The following SNTN variants were observed in gnomAD, a reference collection of about 807,000 sequenced individuals.
The protein encoded by SNTN is sentan.
A neutral mutation model predicts 12.3 loss-of-function variants in SNTN; 13 were observed. The ratio of observed to expected loss-of-function variants is 1.05; its 90% CI spans 0.69 to 1.67. The LOEUF (loss-of-function observed/expected upper bound fraction) is 1.67, where lower values mean the gene tolerates loss of function less well. Ranked by LOEUF, SNTN falls within the 40% of genes most tolerant of loss-of-function variation. The pLI, the probability that SNTN is intolerant of heterozygous loss-of-function variation, is 0.00. For synonymous variants in SNTN, 69 were observed against 58.5 expected (o/e 1.18, Z -0.82); for missense variants, 189 against 169.8 (o/e 1.11, Z -0.63).
chr3:63,663,809 C>T (rs1308693672), intron 3 of SNTN, 128 bp from the exon 4 acceptor site: 1 of 1,255,610 alleles, frequency 8.0e-7, no homozygotes, highest in East Asian at 2.5e-5. Context: ...TTTCTTTTTT[C>T]TTTATAAATC....
chr3:63,656,734 A>G (rs1469360796), intron 2 of SNTN, among the ~76,000 whole-genome samples: 4 of 152,196 alleles, frequency 2.6e-5, no homozygotes, highest in Non-Finnish European at 5.9e-5. Context: ...AAGATTATGA[A>G]AAGATTATGT....
At chr3:63,662,448 T>C (rs1392209836) in intron 3 of SNTN, among the ~76,000 whole-genome samples, 1 of 152,154 alleles carries the variant, frequency 6.6e-6, no homozygotes, top group African/African-American at 2.4e-5. Context: ...ACTGGGAAGA[T>C]ACAAAAAGGT....
chr3:63,653,354 G>A (rs1318116638), intron 1 of SNTN, among the ~76,000 whole-genome samples: 3 of 151,994 alleles, frequency 2.0e-5, no homozygotes. Context: ...TACATGCCAT[G>A]TTACCAGTGC....
At chr3:63,661,736 T>A (rs1700745800) in intron 3 of SNTN, among the ~76,000 whole-genome samples, 2 of 150,240 alleles carry the variant, frequency 1.3e-5, no homozygotes, top group African/African-American at 4.9e-5. Context: ...TTTTGGGGAG[T>A]CTAAGGAAAG....
rs1700783792 is a variant in SNTN, at chr3:63,664,758, T to G, written c.*663T>G. The G allele has an allele frequency of 6.7e-6, 1 of 150,246 alleles. No individual in the cohort carries two copies. The highest frequency in any genetic ancestry group is 2.5e-5 in the African/African-American group (1 of 39,924). 9.3% of individuals were successfully genotyped at this position (150,246 alleles called of 1,614,324 possible). A position where few individuals can be genotyped will look rare whatever the true frequency, so the allele number is the denominator to read the frequency against. On this transcript the variant is annotated 3_prime_UTR_variant, in exon 4 of 4. Transcript: ENST00000343837. ...TTATTTTATTTTATTTTATTTTATT[T>G]TATTTTATTTTGAGACAGAGTTTTG... is the stretch of plus-strand genomic sequence containing the variant.
Position 63,664,735 on chromosome 3 carries a change from A to T in SNTN, c.*640A>T, listed in dbSNP as rs1427654533. 5.0e-5 allele frequency: 5 copies of T among 99,498 alleles called. No homozygotes were observed. In the South Asian group the frequency reaches 7.0e-4, roughly 14 times the overall value. The allele number at this position is 99,498 out of a possible 1,614,324, so 6.2% of individuals were successfully genotyped here. ...ACAAATGGCACAAGGGGAGTTTTTT[A>T]TTTTATTTTATTTTATTTTATTTTA... On this transcript the variant is annotated 3_prime_UTR_variant, in exon 4 of 4. Transcript: ENST00000343837.
Position 63,664,300 on chromosome 3 carries a change from T to C in SNTN, c.*205T>C. Reference sequence around the variant, plus strand: ...TTTGAATGATAAGGTCTCTGTGTGCTTTACAATAGGATAGATTTGATACCA... The same window carrying C: ...TTTGAATGATAAGGTCTCTGTGTGCCTTACAATAGGATAGATTTGATACCA... On this transcript the variant is annotated 3_prime_UTR_variant, in exon 4 of 4. Transcript: ENST00000343837. 1.9e-6 allele frequency: 1 copy of C among 521,370 alleles called. No homozygotes were observed. Among genetic ancestry groups the C allele is most frequent in the East Asian group, 3.3e-5 (1 of 29,866 alleles). 32.3% of individuals were successfully genotyped at this position (521,370 alleles called of 1,614,324 possible).
At chr3:63,662,563 AGT>A (rs1453752474) in intron 3 of SNTN, among the ~76,000 whole-genome samples, 1 of 152,178 alleles carries the variant, frequency 6.6e-6, no homozygotes, top group Non-Finnish European at 1.5e-5. Context: ...CTGAGCAAAC[AGT>A]GTGCCATTCT....
At chr3:63,659,333 G>A (rs563516200) in intron 2 of SNTN, among the ~76,000 whole-genome samples, 1 of 152,194 alleles carries the variant, frequency 6.6e-6, no homozygotes, top group East Asian at 1.9e-4. Flanking sequence ...AATTCCACAA[G>A]AGTAGGACTT....
At chr3:63,654,552 C>G (rs2172950) in intron 1 of SNTN, among the ~76,000 whole-genome samples, 25,664 of 152,128 alleles carry the variant, frequency 0.17, 2,220 homozygotes, top group African/African-American at 0.2. Context: ...GACTGATATA[C>G]GTGGGTAGCT....
At chr3:63,662,262 C>A (rs1356366092) in intron 3 of SNTN, among the ~76,000 whole-genome samples, 1 of 152,202 alleles carries the variant, frequency 6.6e-6, no homozygotes, top group Non-Finnish European at 1.5e-5. Context: ...TCATTCCTAA[C>A]TGGGCTTTCT....
At chr3:63,660,348 C>T (rs560805572) in intron 3 of SNTN, among the ~76,000 whole-genome samples, 1 of 152,158 alleles carries the variant, frequency 6.6e-6, no homozygotes, top group Non-Finnish European at 1.5e-5. Flanking sequence ...CCAAATCTTA[C>T]AGAAGCATAG....
chr3:63,661,209 G>A (rs1700740468), intron 3 of SNTN, among the ~76,000 whole-genome samples: 1 of 152,030 alleles, frequency 6.6e-6, no homozygotes, highest in African/African-American at 2.4e-5. Context: ...TTCATACTTT[G>A]GAAAATACCA....
At chr3:63,652,854 C>A in intron 1 of SNTN, 57 bp downstream of exon 1, 3 of 1,529,178 alleles carry the variant, frequency 2.0e-6, no homozygotes, top group Non-Finnish European at 2.7e-6. Flanking sequence ...AGATATATTT[C>A]CAAAGAGTTT....
intron 2 of SNTN, among the ~76,000 whole-genome samples, chr3:63,659,060 G>A (rs1439102637): frequency 6.6e-6 from 1 of 152,142 alleles, no homozygotes; most frequent in Non-Finnish European, 1.5e-5. Context: ...ATGTATTGGT[G>A]ACTAAAAGAA....
intron 2 of SNTN, among the ~76,000 whole-genome samples, chr3:63,659,293 G>A (rs1271599527): frequency 2.0e-5 from 3 of 152,130 alleles, no homozygotes; most frequent in East Asian, 1.9e-4. Flanking sequence ...ATACTGACAC[G>A]AAGTGATGCT....
Position 63,664,898 on chromosome 3 carries a change from G to A in SNTN, c.*803G>A, listed in dbSNP as rs567690890. 5.9e-5 allele frequency among the ~76,000 whole-genome samples: 9 copies of A among 152,156 alleles called. No homozygotes were observed. The highest frequency in any genetic ancestry group is 2.1e-4 in the South Asian group (1 of 4,816). On this transcript the variant is annotated 3_prime_UTR_variant, in exon 4 of 4. Coordinates refer to ENST00000343837, the MANE Select transcript of SNTN (RefSeq NM_001080537.2). The stretch of plus-strand genomic sequence containing the variant: ...CTCCTGAGTAGCTGGGATTACAGGC[G>A]TGTGCCACGATGCCAGGCTAATTTT...
intron 2 of SNTN, among the ~76,000 whole-genome samples, chr3:63,658,774 A>G (rs1700710095): frequency 6.6e-6 from 1 of 152,130 alleles, no homozygotes; most frequent in Non-Finnish European, 1.5e-5. Context: ...TATGAAAATC[A>G]TGTTATTCGG....
In SNTN at chr3:63,660,421, G is replaced by T. The variant is rs371007205; in HGVS notation, c.285+557G>T. Among the ~76,000 whole-genome samples the T allele has an allele frequency of 1.2e-4, 19 of 152,258 alleles. No individual in the cohort carries two copies. In the East Asian group the frequency reaches 3.5e-3, roughly 28 times the overall value. ...CCAGGCCTAAGAAATTACACCAGCT[G>T]CAGTACAGAGAACAGACTAGGGTTG... On this transcript the variant is annotated intron_variant, in intron 3 of 3. Coordinates refer to ENST00000343837, the MANE Select transcript of SNTN (RefSeq NM_001080537.2).
Sources: gnomAD v4.1 joint callset for allele counts (sites outside exome capture counted in the v4.1 genomes callset) on GRCh38, gnomAD v4.1.1 for gene constraint, MANE v1.5 for transcripts, NCBI Gene and HGNC (gene_info 2026-07-23, HGNC 2026-07-21) for gene names.